The following ADARB2 variants were observed in gnomAD, a reference collection of about 807,000 sequenced individuals.
ADARB2 encodes adenosine deaminase RNA specific B2 (inactive).
ADARB2 carries 25 observed loss-of-function variants against 62.2 expected under a neutral mutation model. The ratio of observed to expected loss-of-function variants is 0.40; its 90% CI spans 0.29 to 0.56. The LOEUF is 0.56. Ranked by LOEUF, ADARB2 falls within the 20% of genes least tolerant of loss-of-function variation. The probability of loss-of-function intolerance (pLI) is 0.43; values close to 1 mark genes in which losing one functional copy is unlikely to be tolerated. For missense variants in ADARB2, 1,071 were observed against 1,077.4 expected (o/e 0.99, Z 0.08); for synonymous variants, 572 against 500.8 (o/e 1.14, Z -1.90).
intron 1 of ADARB2, among the ~76,000 whole-genome samples, chr10:1,689,636 T>C (rs1439969622): frequency 6.6e-6 from 1 of 152,250 alleles, no homozygotes; most frequent in Non-Finnish European, 1.5e-5. Flanking sequence ...TATTCCATTG[T>C]GATGGTGCCC....
In ADARB2 at chr10:1,242,010, G is replaced by T. The variant is rs1373594201; in HGVS notation, c.1361+121C>A. The T allele has an allele frequency of 6.4e-6, 7 of 1,096,360 alleles. No individual in the cohort carries two copies. The African/African-American group carries it at 7.9e-5, about 12-fold the overall frequency. The allele number at this position is 1,096,360 out of a possible 1,614,324, so 67.9% of individuals were successfully genotyped here. On this transcript the variant is annotated intron_variant, in intron 5 of 9. Transcript: ENST00000381312. ...TCTGAATAAAAAGGGATGCTTTCTGGCTCACCCTGTGCCAGGATAGAGGGA... is the reference window on the plus strand; with the variant it reads ...TCTGAATAAAAAGGGATGCTTTCTGTCTCACCCTGTGCCAGGATAGAGGGA...
intron 1 of ADARB2, among the ~76,000 whole-genome samples, chr10:1,602,840 T>C (rs1404389573): frequency 6.6e-6 from 1 of 150,802 alleles, no homozygotes; most frequent in Non-Finnish European, 1.5e-5. Context: ...CATCTGTACA[T>C]ACACACACCT....
At chr10:1,720,122 A>G (rs1835071935) in intron 1 of ADARB2, among the ~76,000 whole-genome samples, 1 of 152,232 alleles carries the variant, frequency 6.6e-6, no homozygotes, top group South Asian at 2.1e-4. Context: ...CATGGAATCA[A>G]TCTAGTGCCT....
chr10:1,491,028 A>G (rs1285513431), intron 1 of ADARB2, among the ~76,000 whole-genome samples: 2 of 152,194 alleles, frequency 1.3e-5, no homozygotes, highest in African/African-American at 2.4e-5. Context: ...TGCCTTCTGC[A>G]GTCCTCACAA....
At chr10:1,678,600 G>A (rs933274324) in intron 1 of ADARB2, among the ~76,000 whole-genome samples, 8 of 151,986 alleles carry the variant, frequency 5.3e-5, no homozygotes, top group African/African-American at 1.9e-4. Flanking sequence ...AGACTTGGGG[G>A]TGCTTTACCC....
At chr10:1,435,374 T>C (rs1830823426) in intron 1 of ADARB2, among the ~76,000 whole-genome samples, 1 of 152,198 alleles carries the variant, frequency 6.6e-6, no homozygotes, top group South Asian at 2.1e-4. Context: ...TTGTTAAAGA[T>C]GTTCTAATCT....
At chr10:1,603,467 T>G (rs1833456071) in intron 1 of ADARB2, among the ~76,000 whole-genome samples, 1 of 152,122 alleles carries the variant, frequency 6.6e-6, no homozygotes, top group African/African-American at 2.4e-5. Flanking sequence ...TTTCTGCTTG[T>G]GAAAAGGATG....
chr10:1,676,302 G>T (rs1022081752), intron 1 of ADARB2, among the ~76,000 whole-genome samples: 1 of 151,972 alleles, frequency 6.6e-6, no homozygotes, highest in African/African-American at 2.4e-5. Flanking sequence ...GCCTCTAGAC[G>T]CCCCCACCCA....
chr10:1,394,591 C>T (rs1190752968), intron 1 of ADARB2, among the ~76,000 whole-genome samples: 3 of 152,194 alleles, frequency 2.0e-5, no homozygotes, highest in Non-Finnish European at 4.4e-5. Flanking sequence ...GGAGTGACCT[C>T]GTGGAATTTC....
intron 1 of ADARB2, among the ~76,000 whole-genome samples, chr10:1,563,386 C>T (rs2813366): frequency 0.013 from 1,912 of 152,252 alleles, 41 homozygotes; most frequent in African/African-American, 0.044. Context: ...TCATGTGTGT[C>T]CCTGCGTCCC....
At chr10:1,305,537 C>T (rs1432385622) in intron 3 of ADARB2, among the ~76,000 whole-genome samples, 1 of 152,184 alleles carries the variant, frequency 6.6e-6, no homozygotes, top group Non-Finnish European at 1.5e-5. Flanking sequence ...AGAGAATCCT[C>T]CCTAACTCAT....
intron 1 of ADARB2, among the ~76,000 whole-genome samples, chr10:1,394,461 G>A (rs1037012748): frequency 1.3e-5 from 2 of 152,184 alleles, no homozygotes; most frequent in South Asian, 2.1e-4. Flanking sequence ...CTGCTGCTTC[G>A]GTTCTCATCT....
intron 3 of ADARB2, among the ~76,000 whole-genome samples, chr10:1,350,248 C>G (rs770649305): frequency 6.6e-6 from 1 of 152,144 alleles, no homozygotes; most frequent in Non-Finnish European, 1.5e-5. Flanking sequence ...TTTCATACAT[C>G]CCTAGTCTGT....
intron 1 of ADARB2, among the ~76,000 whole-genome samples, chr10:1,695,583 CTG>C (rs1834728354): frequency 6.6e-6 from 1 of 151,768 alleles, no homozygotes; most frequent in Non-Finnish European, 1.5e-5. Context: ...ATGTGTAGGT[CTG>C]TGTGTGCATG....
intron 1 of ADARB2, among the ~76,000 whole-genome samples, chr10:1,460,010 GTAACAAACCTGCCTGTGACCTGAGT>G: frequency 1.9e-5 from 2 of 103,206 alleles, no homozygotes; most frequent in Admixed American, 1.0e-4. Flanking sequence ...GTTTACCTGC[GTAACAAACCTGCCTGTGACCTGAGT>G]TTACCTGTGT....
intron 9 of ADARB2, among the ~76,000 whole-genome samples, chr10:1,184,024 G>A (rs1226662073): frequency 6.6e-6 from 1 of 152,238 alleles, no homozygotes; most frequent in Non-Finnish European, 1.5e-5. Context: ...CAGGAGAAGG[G>A]AGACCCCGGC....
intron 3 of ADARB2, among the ~76,000 whole-genome samples, chr10:1,359,355 G>T (rs769604943): frequency 2.6e-5 from 4 of 152,170 alleles, no homozygotes; most frequent in East Asian, 1.9e-4. Context: ...GCCTGCCTTT[G>T]TCACTCTGGC....
chr10:1,244,714 G>C (rs1005570187), intron 4 of ADARB2, among the ~76,000 whole-genome samples: 7 of 152,200 alleles, frequency 4.6e-5, no homozygotes, highest in African/African-American at 1.4e-4. Context: ...TCGCGGAAGT[G>C]CTGTACATGG....
chr10:1,181,068 G>GC lies in ADARB2; in HGVS notation c.*2124dup, dbSNP rs1836668791. ...ACAGTGAAATCTGCTTACAACACAG[G>GC]CCCCCTCGCTGCAGAAACAGCGTGA... On this transcript the variant is annotated 3_prime_UTR_variant, in exon 10 of 10. Transcript: ENST00000381312. 6.6e-6 allele frequency: 1 copy of GC among 152,240 alleles called. No individual in the cohort carries two copies. Among genetic ancestry groups the GC allele is most frequent in the South Asian group, 2.1e-4 (1 of 4,824 alleles). The allele number at this position is 152,240 out of a possible 1,614,324, so 9.4% of individuals were successfully genotyped here. A position where few individuals can be genotyped will look rare whatever the true frequency, so the allele number is the denominator to read the frequency against.
Sources: gnomAD v4.1 joint callset for allele counts (sites outside exome capture counted in the v4.1 genomes callset) on GRCh38, gnomAD v4.1.1 for gene constraint, MANE v1.5 for transcripts, NCBI Gene and HGNC (gene_info 2026-07-23, HGNC 2026-07-21) for gene names.